AFTPH: variants seen among roughly 807,000 people sequenced by gnomAD.
AFTPH encodes the protein aftiphilin protein.
Under a neutral mutation model 72.5 loss-of-function variants are expected in AFTPH, and 7 were observed. The ratio of observed to expected loss-of-function variants is 0.10; its 90% confidence interval spans 0.05 to 0.18. The LOEUF (loss-of-function observed/expected upper bound fraction) is 0.18. Among genes scored for constraint, AFTPH ranks in the 10% least tolerant of loss-of-function variants. The pLI, the probability that AFTPH is intolerant of heterozygous loss-of-function variation, is 1.00. For missense variants in AFTPH, 979 were observed against 1,060.5 expected (o/e 0.92, Z 1.07); for synonymous variants, 337 against 370.1 (o/e 0.91, Z 1.03).
chr2:64,549,900 A>G (rs921905595), intron 1 of AFTPH, among the ~76,000 whole-genome samples: 14 of 152,214 alleles, frequency 9.2e-5, no homozygotes, highest in Admixed American at 2.6e-4. Context: ...GTGAATATTT[A>G]TTAACTTTTA....
At chr2:64,585,427 G>T in exon 8 of AFTPH, 1 of 1,613,644 alleles carries the variant, frequency 6.2e-7, no homozygotes, top group Non-Finnish European at 8.5e-7. Flanking sequence ...ATAAGGTGTG[G>T]ATCCGGAGTT....
At position 64,530,372 on chromosome 2, in the gene AFTPH, C is replaced by G. The variant is rs561213513; in HGVS notation, c.-33+5760C>G. On this transcript the variant is annotated intron_variant, in intron 1 of 8. Coordinates refer to ENST00000238856, the Ensembl canonical transcript of AFTPH. The stretch of plus-strand genomic sequence containing the variant: ...CAGTTCACCCAAAAATGTCCCCTGG[C>G]AACTGATTTACCCAAATCATTATCT... Among the ~76,000 whole-genome samples, 88 of 152,206 alleles carry G rather than the reference C, an allele frequency of 5.8e-4. 1 individual carries two copies. The highest frequency in any genetic ancestry group is 2.1e-3 in the African/African-American group (86 of 41,536).
chr2:64,575,498 T>C (rs1573024676), intron 6 of AFTPH, among the ~76,000 whole-genome samples: 1 of 151,994 alleles, frequency 6.6e-6, no homozygotes, highest in East Asian at 1.9e-4. Flanking sequence ...GAGCCTGTAG[T>C]CCCAGCCTCT....
chr2:64,589,640 C>T (rs1673702502), intron 8 of AFTPH, among the ~76,000 whole-genome samples: 1 of 152,036 alleles, frequency 6.6e-6, no homozygotes, highest in African/African-American at 2.4e-5. Flanking sequence ...TGAAATAAGG[C>T]AATTGTTTAA....
intron 1 of AFTPH, among the ~76,000 whole-genome samples, chr2:64,546,629 TA>T (rs1216298587): frequency 1.3e-5 from 2 of 152,106 alleles, no homozygotes; most frequent in East Asian, 3.9e-4. Context: ...TCAATACAAA[TA>T]AATTTTTTTT....
At chr2:64,586,271 T>G (rs1673499131) in intron 8 of AFTPH, among the ~76,000 whole-genome samples, 1 of 152,246 alleles carries the variant, frequency 6.6e-6, no homozygotes, top group African/African-American at 2.4e-5. Context: ...AAATACTGGT[T>G]GATTGACACG....
chr2:64,560,594 C>T (rs771369393), intron 2 of AFTPH, among the ~76,000 whole-genome samples: 3 of 152,062 alleles, frequency 2.0e-5, no homozygotes, highest in South Asian at 4.2e-4. Context: ...AGGGAGGGGC[C>T]GGGCATGGTG....
intron 8 of AFTPH, among the ~76,000 whole-genome samples, chr2:64,586,817 C>A (rs996472178): frequency 6.6e-6 from 1 of 152,122 alleles, no homozygotes; most frequent in African/African-American, 2.4e-5. Flanking sequence ...TAAATCACTT[C>A]TTCAAATCGA....
At position 64,540,323 on chromosome 2, in the gene AFTPH, C is replaced by A. The variant is rs534490459; in HGVS notation, c.-32-11120C>A. 3.9e-5 allele frequency among the ~76,000 whole-genome samples: 6 copies of A among 152,172 alleles called. No homozygotes were observed. In the South Asian group the frequency reaches 1.2e-3, roughly 32 times the overall value. ...TGTTGCCCTTGTTATCAATAGTTAT[C>A]CAATGTTATGTATTCAATTTTATGT... On this transcript the variant is annotated intron_variant, in intron 1 of 8. Coordinates refer to ENST00000238856, the Ensembl canonical transcript of AFTPH.
At chr2:64,534,075 T>C (rs77557580) in intron 1 of AFTPH, among the ~76,000 whole-genome samples, 2,070 of 152,070 alleles carry the variant, frequency 0.014, 45 homozygotes, top group African/African-American at 0.048. Flanking sequence ...CCAAGTGAGG[T>C]TTTTGGTGTT....
chr2:64,585,394 A>AT, intron 7 of AFTPH, 28 bp from the exon 9 acceptor site: 1 of 1,612,382 alleles, frequency 6.2e-7, no homozygotes, highest in Non-Finnish European at 8.5e-7. Flanking sequence ...GCAGCCTGCC[A>AT]TCACTGACTA....
rs1363830103 is a variant in AFTPH at position 64,553,917 on chromosome 2, C to T, written c.1935+508C>T. Among the ~76,000 whole-genome samples the T allele has an allele frequency of 2.0e-5, 3 of 151,798 alleles. No homozygotes were observed. The East Asian group carries it at 5.8e-4, about 29-fold the overall frequency. The stretch of plus-strand genomic sequence containing the variant: ...AGGAGAGAACAAGCAGAATTTGAAA[C>T]CTCATTCTGTGCCAAAGGCTATAGT... On this transcript the variant is annotated intron_variant, in intron 2 of 8. Transcript: ENST00000238856.
exon 2 of AFTPH, chr2:64,551,867 A>G: frequency 6.2e-7 from 1 of 1,613,918 alleles, no homozygotes; most frequent in South Asian, 1.1e-5. Context: ...TGGAAAGACC[A>G]GGAAATTTAA....
At chr2:64,582,672 T>C (rs1673278465) in intron 7 of AFTPH, among the ~76,000 whole-genome samples, 1 of 152,252 alleles carries the variant, frequency 6.6e-6, no homozygotes, top group Non-Finnish European at 1.5e-5. Context: ...TGTTACTGTA[T>C]TCCCAAGAAT....
intron 8 of AFTPH, among the ~76,000 whole-genome samples, chr2:64,586,351 T>C (rs1673506700): frequency 6.6e-6 from 1 of 152,244 alleles, no homozygotes; most frequent in Non-Finnish European, 1.5e-5. Flanking sequence ...ATTAGTTGCC[T>C]ACTTTAAAAG....
intron 6 of AFTPH, among the ~76,000 whole-genome samples, chr2:64,576,515 G>T (rs1672811915): frequency 1.3e-5 from 2 of 152,086 alleles, no homozygotes; most frequent in Non-Finnish European, 2.9e-5. Flanking sequence ...TTGGGATTGT[G>T]TGTGTGTTTT....
At chr2:64,525,738 A>G (rs7585497) in intron 1 of AFTPH, among the ~76,000 whole-genome samples, 79,603 of 152,134 alleles carry the variant, frequency 0.52, 23,784 homozygotes, top group African/African-American at 0.84. Flanking sequence ...AATATAATTA[A>G]CACAGTCACG....
At position 64,551,439 on chromosome 2, in the gene AFTPH, A is replaced by G. The variant is rs1218432461; in HGVS notation, c.-32-4A>G. ...TCCAAAAATTCTTTTTTTCTTTTTT[A>G]CAGGTGTAAATTAATTATTTGAAAG... On this transcript the variant is annotated splice_polypyrimidine_tract_variant and splice_region_variant and intron_variant, in intron 1 of 8. Transcript: ENST00000238856. 7.0e-6 allele frequency: 11 copies of G among 1,561,624 alleles called. No homozygotes were observed. The highest frequency in any genetic ancestry group is 4.1e-5 in the Admixed American group (2 of 48,212).
chr2:64,581,274 G>A lies in AFTPH; in HGVS notation c.2455+1728G>A. The A allele has an allele frequency of 6.3e-7, 1 of 1,587,334 alleles. No individual in the cohort carries two copies. The highest frequency in any genetic ancestry group is 8.6e-7 in the Non-Finnish European group (1 of 1,166,588). On this transcript the variant is annotated intron_variant, in intron 7 of 8. Coordinates refer to ENST00000238856, the Ensembl canonical transcript of AFTPH. ...TCTAGCAGCAGCACCACAATCCCAGGTCAGCAGAGTGTTAAAACCACAATT... is the reference window on the plus strand; with the variant it reads ...TCTAGCAGCAGCACCACAATCCCAGATCAGCAGAGTGTTAAAACCACAATT...
Sources: allele counts gnomAD v4.1 joint callset (sites outside exome capture counted in the v4.1 genomes callset), GRCh38; gene constraint gnomAD v4.1.1; transcripts MANE v1.5; gene names NCBI Gene and HGNC (gene_info 2026-07-23, HGNC 2026-07-21).